CDYL: variants seen among roughly 807,000 people sequenced by gnomAD.
CDYL encodes chromodomain Y like.
In CDYL, 8 loss-of-function variants were observed where a neutral mutation model predicts 47.3. The observed-to-expected ratio is 0.17, with a 90% CI of 0.10 to 0.31. The LOEUF is 0.31. Among genes scored for constraint, CDYL ranks in the 10% least tolerant of loss-of-function variants. CDYL has a pLI of 1.00. For synonymous variants in CDYL, 266 were observed against 265.0 expected (o/e 1.00, Z -0.04); for missense variants, 471 against 701.4 (o/e 0.67, Z 3.71).
intron 1 of CDYL, among the ~76,000 whole-genome samples, chr6:4,828,314 G>T (rs919807890): frequency 2.1e-5 from 3 of 143,488 alleles, no homozygotes; most frequent in Non-Finnish European, 4.5e-5. Context: ...CTGGAGTGCG[G>T]TGGCATGATC....
chr6:4,769,266 G>A (rs1481670016), intron 3 of CDYL, among the ~76,000 whole-genome samples: 2 of 152,158 alleles, frequency 1.3e-5, no homozygotes, highest in African/African-American at 2.4e-5. Flanking sequence ...AACTGGGTAT[G>A]GGAACTCTCT....
intron 1 of CDYL, chr6:4,706,307 T>C (rs1026214636): frequency 2.6e-5 from 4 of 152,196 alleles, no homozygotes; most frequent in Admixed American, 6.5e-5. Context: ...GGGACCCTCA[T>C]CCCGGCTTCA....
chr6:4,932,619 G>A (rs952094032), intron 2 of CDYL, among the ~76,000 whole-genome samples: 1 of 152,214 alleles, frequency 6.6e-6, no homozygotes, highest in Non-Finnish European at 1.5e-5. Flanking sequence ...TAAAGACCCA[G>A]GAGCTCTCAC....
intron 1 of CDYL, among the ~76,000 whole-genome samples, chr6:4,710,123 G>C (rs555917271): frequency 1.8e-4 from 28 of 152,204 alleles, no homozygotes; most frequent in African/African-American, 6.3e-4. Context: ...TCAGGAGTCC[G>C]AGGCAGGAGA....
At chr6:4,943,899 T>C (rs1758436839) in intron 5 of CDYL, 143 bp downstream of exon 5, 2 of 622,814 alleles carry the variant, frequency 3.2e-6, no homozygotes, top group Non-Finnish European at 5.3e-6. Flanking sequence ...TTTGGGTTCA[T>C]AGACGTTGTT....
intron 2 of CDYL, among the ~76,000 whole-genome samples, chr6:4,723,387 G>C (rs1471971012): frequency 2.0e-5 from 3 of 152,054 alleles, no homozygotes; most frequent in African/African-American, 7.2e-5. Flanking sequence ...GAATCAGTCA[G>C]GGTCCAGGCA....
intron 1 of CDYL, among the ~76,000 whole-genome samples, chr6:4,828,818 CT>C (rs1245284941): frequency 1.3e-5 from 2 of 152,110 alleles, no homozygotes; most frequent in Non-Finnish European, 2.9e-5. Context: ...TTACTTTCTA[CT>C]TTTCAGATTC....
intron 1 of CDYL, among the ~76,000 whole-genome samples, chr6:4,878,110 A>G (rs1761666998): frequency 6.6e-6 from 1 of 152,152 alleles, no homozygotes. Context: ...ACATTTAATC[A>G]TGACATTTTA....
Position 4,907,013 on chromosome 6 carries a change from G to A in CDYL, c.691+14634G>A, listed in dbSNP as rs115147175. On this transcript the variant is annotated intron_variant, in intron 2 of 6. Transcript: ENST00000397588. ...TCACAAGGGGTTTTCTCATGTGCAT[G>A]TAATAAGCAGTTCCACACTGGGTTT... Among the ~76,000 whole-genome samples the A allele has an allele frequency of 1.9e-3, 289 of 152,332 alleles. 1 individual carries two copies. The highest frequency in any genetic ancestry group is 6.4e-3 in the African/African-American group (268 of 41,568).
At chr6:4,949,428 A>C (rs959818028) in intron 5 of CDYL, among the ~76,000 whole-genome samples, 9 of 152,226 alleles carry the variant, frequency 5.9e-5, no homozygotes, top group African/African-American at 1.9e-4. Context: ...CCCTCTGCTC[A>C]TACTGGGCCA....
At chr6:4,841,937 A>T (rs1406345366) in intron 1 of CDYL, among the ~76,000 whole-genome samples, 1 of 147,974 alleles carries the variant, frequency 6.8e-6, no homozygotes, top group East Asian at 1.9e-4. Context: ...GTTTAAGTCC[A>T]TTGTTTCTTT....
intron 3 of CDYL, among the ~76,000 whole-genome samples, chr6:4,766,912 A>T (rs1758263046): frequency 6.6e-6 from 1 of 152,060 alleles, no homozygotes; most frequent in Non-Finnish European, 1.5e-5. Flanking sequence ...CTGATGTGGG[A>T]AGATCACTTG....
chr6:4,913,220 T>G (rs1398729293), intron 2 of CDYL, among the ~76,000 whole-genome samples: 8 of 152,254 alleles, frequency 5.3e-5, no homozygotes, highest in Non-Finnish European at 1.0e-4. Context: ...AACGAAAATC[T>G]CTTGAATGAG....
At chr6:4,749,149 T>C (rs1236664163) in intron 3 of CDYL, among the ~76,000 whole-genome samples, 1 of 152,230 alleles carries the variant, frequency 6.6e-6, no homozygotes, top group African/African-American at 2.4e-5. Flanking sequence ...AAAAAGTCTG[T>C]TTTTTAAAGT....
chr6:4,708,209 G>T (rs976691632), intron 1 of CDYL, among the ~76,000 whole-genome samples: 2 of 151,578 alleles, frequency 1.3e-5, no homozygotes, highest in African/African-American at 2.4e-5. Context: ...ACAGAATCTT[G>T]CTCTGTCACC....
chr6:4,838,518 A>G (rs1760392227), intron 1 of CDYL, among the ~76,000 whole-genome samples: 1 of 152,212 alleles, frequency 6.6e-6, no homozygotes, highest in South Asian at 2.1e-4. Context: ...TCTATGGTAT[A>G]TATACACCAC....
rs577897394 is a variant in CDYL, at chr6:4,720,290, T to C, written c.103+4409T>C. Among the ~76,000 whole-genome samples, 121 of 152,346 alleles carry C rather than the reference T, an allele frequency of 7.9e-4. 2 individuals are homozygous for C. Among genetic ancestry groups the C allele is most frequent in the Admixed American group, 2.0e-3 (31 of 15,300 alleles). On this transcript the variant is annotated intron_variant, in intron 2 of 8. Coordinates refer to the CDYL transcript ENST00000328908. ...AGGGGAATGTGGTCTTGAAAAATTC[T>C]TAAAACTTAACCAGAATGAATGACG...
chr6:4,808,354 A>G (rs994802257), intron 1 of CDYL, among the ~76,000 whole-genome samples: 5 of 152,184 alleles, frequency 3.3e-5, no homozygotes, highest in Non-Finnish European at 7.3e-5. Context: ...GTTTAACACC[A>G]TAGCATTCAT....
chr6:4,718,654 A>G (rs997773290), intron 2 of CDYL: 7 of 152,196 alleles, frequency 4.6e-5, no homozygotes, highest in Admixed American at 3.3e-4. Flanking sequence ...AAGTAATATC[A>G]TTTATAGTAC....
Sources: gnomAD v4.1 joint callset for allele counts (sites outside exome capture counted in the v4.1 genomes callset) on GRCh38, gnomAD v4.1.1 for gene constraint, MANE v1.5 for transcripts, NCBI Gene and HGNC (gene_info 2026-07-23, HGNC 2026-07-21) for gene names.